Variants in SPOCK3 observed in about 807,000 individuals in gnomAD.
SPOCK3 encodes SPARC (osteonectin), cwcv and kazal like domains proteoglycan 3.
In SPOCK3, 30 loss-of-function variants were observed where a neutral mutation model predicts 56.6. The observed-to-expected ratio is 0.53, with a 90% CI of 0.40 to 0.72. SPOCK3 has a LOEUF of 0.72. Ranked by LOEUF, SPOCK3 falls within the 30% of genes least tolerant of loss-of-function variation. The pLI, the probability that SPOCK3 is intolerant of heterozygous loss-of-function variation, is 0.00. For missense variants in SPOCK3, 527 were observed against 530.0 expected (o/e 0.99, Z 0.06); for synonymous variants, 196 against 183.3 (o/e 1.07, Z -0.56).
chr4:166,934,965 A>C (rs936506427), intron 4 of SPOCK3, among the ~76,000 whole-genome samples: 1 of 152,180 alleles, frequency 6.6e-6, no homozygotes, highest in Non-Finnish European at 1.5e-5. Flanking sequence ...TGAAAATTCC[A>C]ATTAGAGGAA....
chr4:166,973,498 A>AGTAAG (rs1745610259), intron 4 of SPOCK3, among the ~76,000 whole-genome samples: 1 of 152,214 alleles, frequency 6.6e-6, no homozygotes, highest in Non-Finnish European at 1.5e-5. Context: ...GAAAGTACTG[A>AGTAAG]GTTCATTACA....
chr4:166,895,478 C>A (rs1404793473), intron 5 of SPOCK3, among the ~76,000 whole-genome samples: 1 of 151,210 alleles, frequency 6.6e-6, no homozygotes, highest in African/African-American at 2.4e-5. Flanking sequence ...AGATTCAGGG[C>A]AGAAGGTTAA....
chr4:167,146,392 G>T (rs1763959197), intron 2 of SPOCK3, among the ~76,000 whole-genome samples: 1 of 152,042 alleles, frequency 6.6e-6, no homozygotes, highest in African/African-American at 2.4e-5. Flanking sequence ...GTCAATATTA[G>T]ACAGATCAAC....
chr4:166,854,164 A>C (rs919568687), intron 6 of SPOCK3, among the ~76,000 whole-genome samples: 14 of 152,138 alleles, frequency 9.2e-5, no homozygotes, highest in Admixed American at 6.5e-4. Context: ...CAAAGCAAAG[A>C]AGAGTACTGT....
At chr4:166,914,254 A>G (rs1737599483) in intron 4 of SPOCK3, among the ~76,000 whole-genome samples, 1 of 152,076 alleles carries the variant, frequency 6.6e-6, no homozygotes. Context: ...AATAAGACGT[A>G]TATGTCCTTT....
chr4:167,216,348 G>A lies in SPOCK3; in HGVS notation c.189+17637C>T, dbSNP rs1370330039. On this transcript the variant is annotated intron_variant, in intron 2 of 10. Coordinates refer to ENST00000357545, the MANE Select transcript of SPOCK3 (RefSeq NM_001040159.2). ...AAAGATGAATAGAAGATTTTAAACA[G>A]AAGAACAAGATCAGAACTATGATTT... Among the ~76,000 whole-genome samples the A allele has an allele frequency of 3.3e-5, 5 of 151,948 alleles. No individual in the cohort carries two copies. The East Asian group carries it at 9.7e-4, about 29-fold the overall frequency.
intron 7 of SPOCK3, among the ~76,000 whole-genome samples, chr4:166,786,367 A>C (rs1437946583): frequency 2.0e-5 from 3 of 152,188 alleles, no homozygotes; most frequent in African/African-American, 7.2e-5. Flanking sequence ...AGTTTTTAGC[A>C]GTCTGGCTTA....
chr4:167,217,378 A>T (rs1735470032), intron 2 of SPOCK3, among the ~76,000 whole-genome samples: 1 of 151,838 alleles, frequency 6.6e-6, no homozygotes, highest in Non-Finnish European at 1.5e-5. Flanking sequence ...GTTTCTTGGT[A>T]TTTTTTCCTA....
At chr4:166,878,875 G>C (rs1051645258) in intron 6 of SPOCK3, among the ~76,000 whole-genome samples, 2 of 152,070 alleles carry the variant, frequency 1.3e-5, no homozygotes, top group Admixed American at 6.6e-5. Context: ...AGTGAAGCAA[G>C]GATACAAATA....
Position 166,912,757 on chromosome 4 carries a change from AAAGC to A in SPOCK3, c.351-18_351-15del. 1 of 1,589,958 alleles carries A rather than the reference AAAGC, an allele frequency of 6.3e-7. No individual in the cohort carries two copies. Among genetic ancestry groups the A allele is most frequent in the Non-Finnish European group, 8.5e-7 (1 of 1,172,324 alleles). ...GCTTCTTTCATCCTGTTAAAAAAATAAAGCAAGCATATTGAGCATATTTATTTTA... is the reference window on the plus strand; with the variant it reads ...GCTTCTTTCATCCTGTTAAAAAAATAAAGCATATTGAGCATATTTATTTTA... On this transcript the variant is annotated splice_polypyrimidine_tract_variant and intron_variant, in intron 4 of 10. Transcript: ENST00000357545.
chr4:166,793,323 A>G (rs1037797717), intron 6 of SPOCK3, among the ~76,000 whole-genome samples: 4 of 152,304 alleles, frequency 2.6e-5, no homozygotes, highest in African/African-American at 9.6e-5. Context: ...ATACCATCCC[A>G]GACCATTTCC....
At chr4:167,130,428 G>A (rs1055453575) in intron 2 of SPOCK3, among the ~76,000 whole-genome samples, 1 of 151,944 alleles carries the variant, frequency 6.6e-6, no homozygotes, top group African/African-American at 2.4e-5. Context: ...AAGAGGCAAA[G>A]TCAATATAGA....
intron 2 of SPOCK3, among the ~76,000 whole-genome samples, chr4:167,228,085 G>C (rs1213467517): frequency 6.6e-6 from 1 of 152,034 alleles, no homozygotes; most frequent in Non-Finnish European, 1.5e-5. Context: ...TAACATTTTG[G>C]GGGTGGCTAG....
intron 2 of SPOCK3, among the ~76,000 whole-genome samples, chr4:167,136,616 T>C (rs1287925018): frequency 6.6e-6 from 1 of 152,180 alleles, no homozygotes; most frequent in Non-Finnish European, 1.5e-5. Flanking sequence ...TGCAGTTTAT[T>C]TTTTATGAAT....
chr4:167,061,288 ATC>A (rs1392071449), intron 3 of SPOCK3, among the ~76,000 whole-genome samples: 1 of 151,924 alleles, frequency 6.6e-6, no homozygotes, highest in Non-Finnish European at 1.5e-5. Context: ...AGTAAATAAC[ATC>A]TCTGTCTGCA....
intron 4 of SPOCK3, among the ~76,000 whole-genome samples, chr4:166,968,743 G>C (rs1334197016): frequency 1.3e-5 from 2 of 152,222 alleles, no homozygotes; most frequent in Non-Finnish European, 1.5e-5. Context: ...GGGAAATGTG[G>C]GGTTGGAACC....
At chr4:167,046,584 T>C (rs2150211523) in intron 3 of SPOCK3, among the ~76,000 whole-genome samples, 1 of 151,200 alleles carries the variant, frequency 6.6e-6, no homozygotes, top group East Asian at 2.0e-4. Context: ...GCCTCCCTAG[T>C]AGCTGGGACT....
Position 166,742,835 on chromosome 4 carries a change from A to G in SPOCK3, c.932-776T>C, listed in dbSNP as rs28463527. Among the ~76,000 whole-genome samples, 1,328 of 152,248 alleles carry G rather than the reference A, an allele frequency of 8.7e-3. 25 individuals carry two copies. The highest frequency in any genetic ancestry group is 0.03 in the African/African-American group (1,257 of 41,558). On this transcript the variant is annotated intron_variant, in intron 8 of 10. Coordinates refer to ENST00000357545, the MANE Select transcript of SPOCK3 (RefSeq NM_001040159.2). ...ATGTAAAATTCTAAATAGTCACAAT[A>G]TAGTTTGCCTTATATTATTACTCTT... is the stretch of plus-strand genomic sequence containing the variant.
At chr4:166,903,222 T>A (rs1415544933) in intron 5 of SPOCK3, among the ~76,000 whole-genome samples, 1 of 151,072 alleles carries the variant, frequency 6.6e-6, no homozygotes, top group African/African-American at 2.4e-5. Flanking sequence ...CAGAACAAAC[T>A]CTGTGGAATC....
Sources: allele counts gnomAD v4.1 joint callset (sites outside exome capture counted in the v4.1 genomes callset), GRCh38; gene constraint gnomAD v4.1.1; transcripts MANE v1.5; gene names NCBI Gene and HGNC (gene_info 2026-07-23, HGNC 2026-07-21).